ANO3: variants seen among roughly 807,000 people sequenced by gnomAD.
ANO3 encodes the protein anoctamin 3.
A neutral mutation model predicts 144.8 loss-of-function variants in ANO3; 99 were observed. That is an observed-to-expected ratio of 0.68 (90% CI 0.58 to 0.81). ANO3 has a LOEUF of 0.81. Among genes scored for constraint, ANO3 ranks in the 30% least tolerant of loss-of-function variants. The pLI is 0.00. For missense variants in ANO3, 905 were observed against 1,202.2 expected (o/e 0.75, Z 3.66); for synonymous variants, 414 against 392.6 (o/e 1.05, Z -0.64).
chr11:26,346,037 G>C (rs1339006670), intron 1 of ANO3, among the ~76,000 whole-genome samples: 1 of 152,164 alleles, frequency 6.6e-6, no homozygotes, highest in Non-Finnish European at 1.5e-5. Flanking sequence ...CTGTGCATCT[G>C]TCAATGTGCT....
At chr11:26,562,928 T>G in intron 14 of ANO3, 1 of 735,088 alleles carries the variant, frequency 1.4e-6, no homozygotes, top group Non-Finnish European at 1.9e-6. Flanking sequence ...TTTTTAAATT[T>G]CAGTCACAGG....
chr11:26,369,904 C>G (rs2133936740), intron 1 of ANO3, among the ~76,000 whole-genome samples: 1 of 152,226 alleles, frequency 6.6e-6, no homozygotes, highest in African/African-American at 2.4e-5. Flanking sequence ...ATTTCCTGAA[C>G]CCTGCTGAGT....
intron 1 of ANO3, among the ~76,000 whole-genome samples, chr11:26,435,262 C>A (rs1328695836): frequency 6.6e-6 from 1 of 152,188 alleles, no homozygotes; most frequent in Non-Finnish European, 1.5e-5. Flanking sequence ...TCTCTTCTGG[C>A]TTGCAGGGTT....
chr11:26,595,726 T>C (rs1329179936), intron 14 of ANO3, among the ~76,000 whole-genome samples: 2 of 152,142 alleles, frequency 1.3e-5, no homozygotes, highest in African/African-American at 2.4e-5. Flanking sequence ...TGTTAGGAAA[T>C]CTGCTGGGTT....
At chr11:26,268,294 G>A (rs1405068935) in intron 1 of ANO3, among the ~76,000 whole-genome samples, 1 of 152,098 alleles carries the variant, frequency 6.6e-6, no homozygotes, top group Non-Finnish European at 1.5e-5. Flanking sequence ...GGGATTAATG[G>A]CATCAATATC....
At chr11:26,227,147 T>G (rs11029401) in intron 1 of ANO3, among the ~76,000 whole-genome samples, 2,311 of 152,310 alleles carry the variant, frequency 0.015, 48 homozygotes, top group East Asian at 0.12. Context: ...TAAGACCAGA[T>G]AGTACTCCAA....
intron 18 of ANO3, among the ~76,000 whole-genome samples, chr11:26,632,464 C>T (rs1852814540): frequency 6.7e-6 from 1 of 149,326 alleles, no homozygotes; most frequent in African/African-American, 2.5e-5. Flanking sequence ...TGCAGTGAGC[C>T]GAGATTGTGC....
chr11:26,457,230 A>G (rs1009173823), intron 3 of ANO3, among the ~76,000 whole-genome samples: 200 of 27,204 alleles, frequency 7.4e-3, no homozygotes, highest in African/African-American at 0.014. Flanking sequence ...TATAATTAAA[A>G]AAAGAAATAA....
chr11:26,247,982 C>T (rs747734699), intron 1 of ANO3, among the ~76,000 whole-genome samples: 2 of 151,834 alleles, frequency 1.3e-5, no homozygotes, highest in Non-Finnish European at 2.9e-5. Context: ...CCGCCCGCCT[C>T]GGCCTCCCAA....
chr11:26,268,229 A>T (rs1379856547), intron 1 of ANO3, among the ~76,000 whole-genome samples: 1 of 152,186 alleles, frequency 6.6e-6, no homozygotes, highest in Non-Finnish European at 1.5e-5. Flanking sequence ...GTTACTTGAG[A>T]CCAGGTAGAT....
rs550626204 is a variant in ANO3, at chr11:26,489,027, T to A, written c.433-19077T>A. Among the ~76,000 whole-genome samples the A allele has an allele frequency of 5.3e-5, 8 of 152,304 alleles. No homozygotes were observed. In the East Asian group the frequency reaches 1.5e-3, roughly 30 times the overall value. On this transcript the variant is annotated intron_variant, in intron 4 of 26. Coordinates refer to ENST00000256737, the MANE Select transcript of ANO3 (RefSeq NM_031418.4). ...TGATGATTGGTACATTCACAATCCCTTAGCTAGACACAAAAGTTCTCCAAG... is the reference window on the plus strand; with the variant it reads ...TGATGATTGGTACATTCACAATCCCATAGCTAGACACAAAAGTTCTCCAAG...
At chr11:26,462,649 T>TAAGC (rs1859452832) in intron 3 of ANO3, among the ~76,000 whole-genome samples, 1 of 151,900 alleles carries the variant, frequency 6.6e-6, no homozygotes, top group African/African-American at 2.4e-5. Flanking sequence ...AATGCAGTTT[T>TAAGC]TAATTAAGCA....
At chr11:26,280,690 G>A (rs544968648) in intron 1 of ANO3, among the ~76,000 whole-genome samples, 1 of 152,218 alleles carries the variant, frequency 6.6e-6, no homozygotes, top group South Asian at 2.1e-4. Flanking sequence ...ACACACCCAG[G>A]AAAATACGTT....
At chr11:26,493,005 A>G (rs1860771907) in intron 4 of ANO3, among the ~76,000 whole-genome samples, 2 of 152,236 alleles carry the variant, frequency 1.3e-5, no homozygotes, top group Non-Finnish European at 2.9e-5. Context: ...CACAATTCTT[A>G]GCACATAATA....
At chr11:26,411,913 G>A (rs1857443550) in intron 1 of ANO3, among the ~76,000 whole-genome samples, 1 of 151,906 alleles carries the variant, frequency 6.6e-6, no homozygotes, top group Non-Finnish European at 1.5e-5. Context: ...TTCTTGTAAG[G>A]TTTCAAGACA....
At chr11:26,473,781 CAT>C (rs1409728831) in intron 4 of ANO3, 1 of 201,354 alleles carries the variant, frequency 5.0e-6, no homozygotes, top group Non-Finnish European at 8.8e-6. Context: ...GTGACTCATG[CAT>C]AGACATTAAC....
chr11:26,518,260 G>C (rs1387141460), intron 6 of ANO3, among the ~76,000 whole-genome samples: 1 of 151,718 alleles, frequency 6.6e-6, no homozygotes, highest in African/African-American at 2.4e-5. Flanking sequence ...TACTTGACTG[G>C]GACTTATTAC....
At chr11:26,264,124 T>C (rs1012653473) in intron 1 of ANO3, among the ~76,000 whole-genome samples, 5 of 152,208 alleles carry the variant, frequency 3.3e-5, no homozygotes, top group Admixed American at 6.5e-5. Flanking sequence ...GCTGAAGTGG[T>C]AAGAATAGAT....
chr11:26,535,498 G>C (rs533032578), intron 9 of ANO3, among the ~76,000 whole-genome samples: 2 of 150,410 alleles, frequency 1.3e-5, no homozygotes, highest in Non-Finnish European at 2.9e-5. Context: ...AGCAAAAACT[G>C]GTACCAATCT....
Sources: allele counts gnomAD v4.1 joint callset (sites outside exome capture counted in the v4.1 genomes callset), GRCh38; gene constraint gnomAD v4.1.1; transcripts MANE v1.5; gene names NCBI Gene and HGNC (gene_info 2026-07-23, HGNC 2026-07-21).